Variants in EGFR observed in about 807,000 individuals in gnomAD.
EGFR encodes avian erythroblastic leukemia viral (v-erb-b) oncogene homolog.
Under a neutral mutation model 143.0 loss-of-function variants are expected in EGFR, and 58 were observed. The ratio of observed to expected loss-of-function variants is 0.41; its 90% CI spans 0.33 to 0.50. The LOEUF is 0.50. Ranked by LOEUF, EGFR falls within the 20% of genes least tolerant of loss-of-function variation. The pLI is 0.39. For synonymous variants in EGFR, 613 were observed against 594.4 expected, an observed-to-expected ratio of 1.03 and a Z score of -0.45; for missense variants, 1,307 against 1,579.0, an observed-to-expected ratio of 0.83 and a Z score of 2.92.
intron 1 of EGFR, among the ~76,000 whole-genome samples, chr7:55,053,147 C>T (rs993736318): frequency 1.9e-4 from 29 of 152,232 alleles, no homozygotes; most frequent in Admixed American, 3.9e-4. Context: ...AAATGCTGCC[C>T]GCTGCACATT....
intron 1 of EGFR, among the ~76,000 whole-genome samples, chr7:55,098,952 C>A (rs1791641706): frequency 6.6e-6 from 1 of 152,214 alleles, no homozygotes; most frequent in Non-Finnish European, 1.5e-5. Flanking sequence ...CAGACAGGAG[C>A]CTCAGGTGGC....
chr7:55,068,636 C>T (rs990953128), intron 1 of EGFR, among the ~76,000 whole-genome samples: 3 of 152,224 alleles, frequency 2.0e-5, no homozygotes, highest in Non-Finnish European at 2.9e-5. Context: ...CTTACTGAAG[C>T]CGTTACCAAC....
At chr7:55,055,641 G>A (rs1788761785) in intron 1 of EGFR, among the ~76,000 whole-genome samples, 1 of 151,768 alleles carries the variant, frequency 6.6e-6, no homozygotes, top group African/African-American at 2.4e-5. Context: ...GACTCACACT[G>A]ATTGCCCAAC....
intron 1 of EGFR, among the ~76,000 whole-genome samples, chr7:55,063,272 C>T (rs1004501070): frequency 6.6e-6 from 1 of 151,930 alleles, no homozygotes; most frequent in African/African-American, 2.4e-5. Flanking sequence ...AGTTTTCTCT[C>T]CCCCGCATTT....
At chr7:55,183,663 G>A (rs1194358193) in intron 20 of EGFR, among the ~76,000 whole-genome samples, 1 of 152,232 alleles carries the variant, frequency 6.6e-6, no homozygotes. Flanking sequence ...AGGGAATGGA[G>A]AGCACTGCCC....
At chr7:55,161,444 G>T in intron 12 of EGFR, 55 bp from the exon 13 acceptor site, 2 of 1,583,860 alleles carry the variant, frequency 1.3e-6, no homozygotes, top group Non-Finnish European at 8.6e-7. Context: ...GTCTCCTCCG[G>T]CCCCTCGGGT....
intron 1 of EGFR, among the ~76,000 whole-genome samples, chr7:55,023,871 G>A (rs528981445): frequency 5.9e-5 from 9 of 152,090 alleles, no homozygotes; most frequent in African/African-American, 1.9e-4. Context: ...TTTCTCATTC[G>A]TTCTTTTTCG....
rs189109841 is a variant in EGFR at position 55,090,990 on chromosome 7, A to G, written c.89-51296A>G. ...TGACTTTGCTTTTTCAAGACATACA[A>G]TGTTCCTCCGGGGGTCAGGCACTGT... On this transcript the variant is annotated intron_variant, in intron 1 of 27. Coordinates refer to ENST00000275493, the MANE Select transcript of EGFR (RefSeq NM_005228.5). 1.8e-4 allele frequency among the ~76,000 whole-genome samples: 28 copies of G among 152,268 alleles called. No homozygotes were observed. In the East Asian group the frequency reaches 4.6e-3, roughly 25 times the overall value.
chr7:55,110,309 C>A (rs558995087), intron 1 of EGFR, among the ~76,000 whole-genome samples: 1 of 152,232 alleles, frequency 6.6e-6, no homozygotes, highest in South Asian at 2.1e-4. Context: ...GAAAAGGGGT[C>A]TCTGCAGACA....
chr7:55,119,851 C>G lies in EGFR; in HGVS notation c.89-22435C>G, dbSNP rs73696542. ...ACTGCCCCAAATCTGTTTCACCTCC[C>G]CAGGGCCATGGGCACAACCATCCCT... On this transcript the variant is annotated intron_variant, in intron 1 of 27. Transcript: ENST00000275493. Among the ~76,000 whole-genome samples, 1,285 of 152,294 alleles carry G rather than the reference C, an allele frequency of 8.4e-3. 21 individuals carry two copies. The highest frequency in any genetic ancestry group is 0.029 in the African/African-American group (1,195 of 41,550).
chr7:55,103,436 C>G (rs950954003), intron 1 of EGFR, among the ~76,000 whole-genome samples: 4 of 152,222 alleles, frequency 2.6e-5, no homozygotes, highest in African/African-American at 7.2e-5. Context: ...TCCTAACACC[C>G]TGTAATATAC....
chr7:55,204,424 G>C (rs1788013416), intron 27 of EGFR, among the ~76,000 whole-genome samples: 1 of 127,464 alleles, frequency 7.8e-6, no homozygotes, highest in Admixed American at 8.0e-5. Context: ...CACACCATAT[G>C]TACACATGTA....
intron 20 of EGFR, among the ~76,000 whole-genome samples, chr7:55,190,429 G>T (rs1190956472): frequency 2.0e-5 from 3 of 152,094 alleles, no homozygotes; most frequent in Non-Finnish European, 4.4e-5. Flanking sequence ...AGGTTCTTAT[G>T]ATGACTGGTT....
At chr7:55,028,250 A>C (rs998118938) in intron 1 of EGFR, among the ~76,000 whole-genome samples, 1 of 151,698 alleles carries the variant, frequency 6.6e-6, no homozygotes, top group Admixed American at 6.6e-5. Flanking sequence ...TCTTTCCTTT[A>C]CTCCAGGTTT....
At chr7:55,108,342 C>G (rs377061781) in intron 1 of EGFR, among the ~76,000 whole-genome samples, 1 of 152,228 alleles carries the variant, frequency 6.6e-6, no homozygotes, top group Non-Finnish European at 1.5e-5. Flanking sequence ...CAGAGCTGCC[C>G]TGGGTGCCGG....
chr7:55,056,113 C>T (rs557960764), intron 1 of EGFR, among the ~76,000 whole-genome samples: 7 of 152,192 alleles, frequency 4.6e-5, no homozygotes, highest in African/African-American at 1.7e-4. Flanking sequence ...CTCCTCAAAA[C>T]CTGAAAAATC....
At chr7:55,046,493 C>A (rs1788182069) in intron 1 of EGFR, among the ~76,000 whole-genome samples, 1 of 151,306 alleles carries the variant, frequency 6.6e-6, no homozygotes, top group African/African-American at 2.4e-5. Flanking sequence ...CTCTGGGAGT[C>A]ATTATAAAGG....
rs140402159 is a variant in EGFR at position 55,024,613 on chromosome 7, T to A, written c.88+5248T>A. Among the ~76,000 whole-genome samples, 547 of 152,332 alleles carry A rather than the reference T, an allele frequency of 3.6e-3. 3 individuals carry two copies. The highest frequency in any genetic ancestry group is 0.013 in the African/African-American group (526 of 41,586). The stretch of plus-strand genomic sequence containing the variant: ...CATGGCCCTGACTTAGTTTAAATAA[T>A]TACGTAAGTCAACCATGATTGTTTG... On this transcript the variant is annotated intron_variant, in intron 1 of 27. Transcript: ENST00000275493.
chr7:55,116,566 G>A (rs1279385314), intron 1 of EGFR, among the ~76,000 whole-genome samples: 1 of 151,564 alleles, frequency 6.6e-6, no homozygotes, highest in Non-Finnish European at 1.5e-5. Flanking sequence ...CAAGTCAAAG[G>A]TGTGTAATTT....
Sources: gnomAD v4.1 joint callset for allele counts (sites outside exome capture counted in the v4.1 genomes callset) on GRCh38, gnomAD v4.1.1 for gene constraint, MANE v1.5 for transcripts, NCBI Gene and HGNC (gene_info 2026-07-23, HGNC 2026-07-21) for gene names.